Variants in SPTBN2 observed in about 807,000 individuals in gnomAD.
The protein encoded by SPTBN2 is spectrin beta chain, non-erythrocytic 2.
In SPTBN2, 107 loss-of-function variants were observed where a neutral mutation model predicts 284.2. That is an observed-to-expected ratio of 0.38 (90% CI 0.32 to 0.44). SPTBN2 has a LOEUF of 0.44. Among genes scored for constraint, SPTBN2 ranks in the 20% least tolerant of loss-of-function variants. The probability of loss-of-function intolerance (pLI) is 1.00; values close to 1 mark genes in which losing one functional copy is unlikely to be tolerated. For synonymous variants in SPTBN2, 1,289 were observed against 1,354.8 expected, an observed-to-expected ratio of 0.95 and a Z score of 1.07; for missense variants, 2,569 against 3,287.1, an observed-to-expected ratio of 0.78 and a Z score of 5.34.
chr11:66,697,440 G>T (rs980665458), intron 20 of SPTBN2, among the ~76,000 whole-genome samples: 3 of 152,140 alleles, frequency 2.0e-5, no homozygotes, highest in African/African-American at 7.2e-5. Flanking sequence ...GCATGTGGTG[G>T]TCAGGACTTC....
chr11:66,737,049 G>T (rs1192213784), intron 1 of SPTBN2, among the ~76,000 whole-genome samples: 1 of 152,228 alleles, frequency 6.6e-6, no homozygotes, highest in Non-Finnish European at 1.5e-5. Flanking sequence ...GTTGTGATGA[G>T]AAATTAAATA....
Position 66,704,810 on chromosome 11 carries a change from C to T in SPTBN2, c.2466G>A (p.Glu822=). 1.9e-6 allele frequency: 3 copies of T among 1,605,948 alleles called. No homozygotes were observed. Among genetic ancestry groups the T allele is most frequent in the Non-Finnish European group, 2.5e-6 (3 of 1,178,978 alleles). Residue 822 remains glutamate (E), a synonymous_variant, in exon 15 of 38, where the codon GAG becomes GAA. Coordinates refer to ENST00000533211, the MANE Select transcript of SPTBN2 (RefSeq NM_006946.4). ...CCAGGGTGGGCACCCGGCTCTGCAC[C>T]TCGGGCGTGCGGCTCAGTGTGGGGG... is the stretch of plus-strand genomic sequence containing the variant. The part of the protein sequence containing the change: ...ALPPTLSRTP[E]VQSRVPTLER...
At chr11:66,740,641 G>T (rs151228237) in intron 1 of SPTBN2, among the ~76,000 whole-genome samples, 1 of 152,288 alleles carries the variant, frequency 6.6e-6, no homozygotes, top group African/African-American at 2.4e-5. Context: ...AGGAAACCCG[G>T]TTATGGGAAC....
At position 66,688,815 on chromosome 11, in the gene SPTBN2, C is replaced by A; in HGVS notation, c.6069G>T (p.Gly2023=). ...LEVLVFGRDA[G]MAEAWLCSQE... ...GGCTGCAGAGCCAGGCCTCTGCCAT[C>A]CCTGCATCTCTTCCAAACACAAGCA... The change falls in exon 31 of 38, where the codon GGG becomes GGT. Residue 2023 remains glycine, a synonymous_variant. Transcript: ENST00000533211. 1.2e-6 allele frequency: 2 copies of A among 1,612,690 alleles called. No homozygotes were observed. Among genetic ancestry groups the A allele is most frequent in the Non-Finnish European group, 1.7e-6 (2 of 1,180,018 alleles).
intron 37 of SPTBN2, 107 bp downstream of exon 37, chr11:66,686,291 C>T: frequency 1.3e-6 from 2 of 1,522,308 alleles, no homozygotes; most frequent in Non-Finnish European, 1.8e-6. Flanking sequence ...AGTCTTACCA[C>T]AAAGGACAAG....
intron 1 of SPTBN2, among the ~76,000 whole-genome samples, chr11:66,724,007 C>T (rs755386639): frequency 6.6e-6 from 1 of 152,176 alleles, no homozygotes; most frequent in Non-Finnish European, 1.5e-5. Flanking sequence ...CACAAAAATG[C>T]CTACACCCAA....
intron 1 of SPTBN2, chr11:66,727,942 TC>T (rs1161485820): frequency 0.011 from 1,588 of 141,980 alleles, 12 homozygotes; most frequent in Non-Finnish European, 0.018. Flanking sequence ...GAGGCCCGAG[TC>T]CCCCCCCCTC....
chr11:66,705,748 G>A lies in SPTBN2; in HGVS notation c.1743C>T (p.Ala581=), dbSNP rs1431071708. The A allele has an allele frequency of 1.1e-5, 17 of 1,612,452 alleles. No homozygotes were observed. The highest frequency in any genetic ancestry group is 4.5e-5 in the East Asian group (2 of 44,890). ...QLHELVEADI[A]VQAERVRAVS... is the part of the protein sequence containing the mutation. ...CGGCCCGCACCCTCTCGGCCTGCAC[G>A]GCGATGTCTGCCTCCACCAGCTCGT... The change falls in exon 14 of 38, where the codon GCC becomes GCT. Residue 581 remains alanine (A), a synonymous_variant. Transcript: ENST00000533211.
At chr11:66,688,908 A>G in intron 30 of SPTBN2, 59 bp from the exon 31 acceptor site, 2 of 1,575,818 alleles carry the variant, frequency 1.3e-6, no homozygotes, top group Non-Finnish European at 1.7e-6. Flanking sequence ...GGCAGGGCAC[A>G]GTGGCCATGG....
Position 66,698,999 on chromosome 11 carries a change from C to A in SPTBN2, c.3860G>T (p.Cys1287Phe). 1 of 1,614,194 alleles carries A rather than the reference C, an allele frequency of 6.2e-7. No homozygotes were observed. Among genetic ancestry groups the A allele is most frequent in the Non-Finnish European group, 8.5e-7 (1 of 1,180,030 alleles). The change falls in exon 19 of 38, where the codon TGT becomes TTT. Residue 1287 changes from cysteine (C) to phenylalanine (F), a missense_variant. Physicochemically the swap from Cys to Phe is radical, Grantham distance 205. This residue lies in a region of SPTBN2 where 1,012 missense variants were observed against 1,248.9 expected (regional missense o/e 0.81). Coordinates refer to ENST00000533211, the MANE Select transcript of SPTBN2 (RefSeq NM_006946.4). The stretch of plus-strand genomic sequence containing the variant: ...GGCCCCAGGGAGCCTCACCTCGTGA[C>A]AATCTTGCAGGAAATGCTGCTGCTC... ...NREQQHFLQD[C>F]HELKLWIDEK...
At position 66,709,033 on chromosome 11, in the gene SPTBN2, C is replaced by T; in HGVS notation, c.1074-14G>A. 1 of 1,611,456 alleles carries T rather than the reference C, an allele frequency of 6.2e-7. No individual in the cohort carries two copies. The highest frequency in any genetic ancestry group is 8.5e-7 in the Non-Finnish European group (1 of 1,177,690). On this transcript the variant is annotated splice_polypyrimidine_tract_variant and intron_variant, in intron 10 of 37. Transcript: ENST00000533211. ...TTCTCGGTAAACCTGAGGCAGGAGGCCGGGTTGGGGTCAGAATTAAAGCCC... is the reference window on the plus strand; with the variant it reads ...TTCTCGGTAAACCTGAGGCAGGAGGTCGGGTTGGGGTCAGAATTAAAGCCC...
chr11:66,715,166 T>C lies in SPTBN2; in HGVS notation c.483+56A>G, dbSNP rs1051939851. 3.7e-6 allele frequency: 6 copies of C among 1,610,196 alleles called. No homozygotes were observed. Among genetic ancestry groups the C allele is most frequent in the Non-Finnish European group, 4.2e-6 (5 of 1,176,760 alleles). On this transcript the variant is annotated intron_variant, in intron 5 of 37. Coordinates refer to ENST00000533211, the MANE Select transcript of SPTBN2 (RefSeq NM_006946.4). This position sits in a 1 kb window ranked among gnomAD's most constrained non-coding sequence, Gnocchi z 5.3. ...TGTGTCATGGGCCAGCAGGAACGGCTTGCGGTGCAGAGCCAGGGCAGGAAC... is the reference window on the plus strand; with the variant it reads ...TGTGTCATGGGCCAGCAGGAACGGCCTGCGGTGCAGAGCCAGGGCAGGAAC...
intron 1 of SPTBN2, among the ~76,000 whole-genome samples, chr11:66,739,221 G>A (rs1282260241): frequency 4.6e-5 from 7 of 152,150 alleles, no homozygotes; most frequent in Admixed American, 2.0e-4. Flanking sequence ...GATTACAGGC[G>A]TGAGCCACTG....
At chr11:66,717,474 G>C (rs1942199423) in intron 3 of SPTBN2, among the ~76,000 whole-genome samples, 2 of 152,116 alleles carry the variant, frequency 1.3e-5, no homozygotes, top group South Asian at 4.1e-4. Flanking sequence ...ATAAGACACA[G>C]CAACACACCC....
chr11:66,704,975 C>G lies in SPTBN2; in HGVS notation c.2301G>C (p.Leu767=), dbSNP rs1185493601. 6.2e-7 allele frequency: 1 copy of G among 1,608,062 alleles called. No homozygotes were observed. The highest frequency in any genetic ancestry group is 2.2e-5 in the East Asian group (1 of 44,878). The change falls in exon 15 of 38, where the codon CTG becomes CTC. Residue 767 remains leucine, a synonymous_variant. Coordinates refer to ENST00000533211, the MANE Select transcript of SPTBN2 (RefSeq NM_006946.4). Reference sequence around the variant, plus strand: ...CCAGCTCGGGGCTGGACACCAGGCGCAGTGCGTCAACCAACCAGGCCTCCA... The same window carrying G: ...CCAGCTCGGGGCTGGACACCAGGCGGAGTGCGTCAACCAACCAGGCCTCCA... ...NDMEAWLVDA[L]RLVSSPELGH...
rs776136562 is a variant in SPTBN2, at chr11:66,721,246, T to A, written c.-6A>T. On this transcript the variant is annotated 5_prime_UTR_variant, in exon 3 of 38. Coordinates refer to ENST00000533211, the MANE Select transcript of SPTBN2 (RefSeq NM_006946.4). ...GGTGACAGCGTGCTGCTCATGGTGGTAGGCGGCTTCCTGCTCCTGCAAGGA... is the reference window on the plus strand; with the variant it reads ...GGTGACAGCGTGCTGCTCATGGTGGAAGGCGGCTTCCTGCTCCTGCAAGGA... 5 of 1,614,114 alleles carry A rather than the reference T, an allele frequency of 3.1e-6. No individual in the cohort carries two copies. In the Admixed American group the frequency reaches 8.3e-5, roughly 27 times the overall value.
rs1357367115 is a variant in SPTBN2 at position 66,708,640 on chromosome 11, G to A, written c.1191+262C>T. Among the ~76,000 whole-genome samples, 1 of 152,206 alleles carries A rather than the reference G, an allele frequency of 6.6e-6. No homozygotes were observed. Among genetic ancestry groups the A allele is most frequent in the Non-Finnish European group, 1.5e-5 (1 of 68,036 alleles). ...AGTGAGTTGGGGACAGGTTTAACAA[G>A]CTGAGGAACTTGGGGCATAATTTCC... On this transcript the variant is annotated intron_variant, in intron 11 of 37. Coordinates refer to ENST00000533211, the MANE Select transcript of SPTBN2 (RefSeq NM_006946.4). This position sits in a 1 kb window ranked among gnomAD's most constrained non-coding sequence, Gnocchi z 4.4.
chr11:66,690,077 A>G lies in SPTBN2; in HGVS notation c.5772T>C (p.Asp1924=), dbSNP rs1415319396. The G allele has an allele frequency of 6.2e-7, 1 of 1,614,024 alleles. No homozygotes were observed. Among genetic ancestry groups the G allele is most frequent in the East Asian group, 2.2e-5 (1 of 44,896 alleles). ...GGGCATCCATCTGCAGGTTGACCTC[A>G]TCCATCCAGAGCATCAGTTCCCGGA... ...KAVRELMLWM[D]EVNLQMDAQE... is the part of the protein sequence containing the mutation. The change falls in exon 28 of 38, where the codon GAT becomes GAC. Residue 1924 remains aspartate (D), a synonymous_variant. Transcript: ENST00000533211.
intron 3 of SPTBN2, among the ~76,000 whole-genome samples, chr11:66,717,943 A>G (rs901289458): frequency 6.6e-6 from 1 of 151,850 alleles, no homozygotes; most frequent in African/African-American, 2.4e-5. Context: ...CCTTCGAGAC[A>G]CTCCCTTTGC....
Sources: gnomAD v4.1 joint callset for allele counts (sites outside exome capture counted in the v4.1 genomes callset) on GRCh38, gnomAD v4.1.1 for gene constraint, gnomAD v4.1.1 regional missense constraint, Gnocchi (gnomAD v3.1) non-coding constraint, MANE v1.5 for transcripts, NCBI Gene and HGNC (gene_info 2026-07-23, HGNC 2026-07-21) for gene names.